The following TMX4 variants were observed in gnomAD, a reference collection of about 807,000 sequenced individuals.
The protein encoded by TMX4 is thioredoxin related transmembrane protein 4.
TMX4 carries 23 observed loss-of-function variants against 33.3 expected under a neutral mutation model. That is an observed-to-expected ratio of 0.69 (90% confidence interval 0.50 to 0.98). The LOEUF is 0.98. TMX4 is among the 50% of genes least tolerant of loss of function. TMX4 has a pLI of 0.00. For missense variants in TMX4, 399 were observed against 448.9 expected, an observed-to-expected ratio of 0.89 and a Z score of 1.01; for synonymous variants, 164 against 161.5, an observed-to-expected ratio of 1.02 and a Z score of -0.12.
chr20:8,006,778 G>A (rs1407109990), intron 2 of TMX4, among the ~76,000 whole-genome samples: 24 of 135,520 alleles, frequency 1.8e-4, no homozygotes, highest in Middle Eastern at 8.1e-3. Context: ...TTTTTTTTGA[G>A]ACAAAGTTAT....
chr20:7,993,960 T>C (rs1487028815), intron 5 of TMX4, among the ~76,000 whole-genome samples: 2 of 152,156 alleles, frequency 1.3e-5, no homozygotes, highest in African/African-American at 2.4e-5. Flanking sequence ...TCTTGCTATA[T>C]ACTTTTTATA....
chr20:7,990,630 C>G (rs765051256), intron 5 of TMX4, among the ~76,000 whole-genome samples: 2 of 152,154 alleles, frequency 1.3e-5, no homozygotes, highest in Non-Finnish European at 2.9e-5. Flanking sequence ...ACCCACTCAT[C>G]CAGCCCAGTG....
chr20:7,989,910 C>T (rs1381751535), intron 5 of TMX4, among the ~76,000 whole-genome samples: 1 of 152,144 alleles, frequency 6.6e-6, no homozygotes, highest in Admixed American at 6.6e-5. Flanking sequence ...GTGCTTACCA[C>T]AAGGAAATAT....
intron 2 of TMX4, among the ~76,000 whole-genome samples, chr20:8,006,998 C>A (rs2050733663): frequency 6.6e-6 from 1 of 152,152 alleles, no homozygotes; most frequent in Non-Finnish European, 1.5e-5. Flanking sequence ...AACTCCTGAC[C>A]TAAGTTGATC....
intron 6 of TMX4, 26 bp from the exon 7 acceptor site, chr20:7,983,883 G>A: frequency 6.3e-7 from 1 of 1,586,910 alleles, no homozygotes; most frequent in Non-Finnish European, 8.6e-7. Context: ...TGATTTTACA[G>A]TGAATAGATA....
In TMX4 at chr20:7,981,615, A is replaced by C. The variant is rs1213360168; in HGVS notation, c.*636T>G. ...CTGTTATTGGAGTCCTCTGACCAAG[A>C]GATAATAGTGAAGAGTGTGGAGAGC... On this transcript the variant is annotated 3_prime_UTR_variant, in exon 8 of 8. Coordinates refer to ENST00000246024, the MANE Select transcript of TMX4 (RefSeq NM_021156.4). 1 of 152,262 alleles carries C rather than the reference A, an allele frequency of 6.6e-6. No individual in the cohort carries two copies. The highest frequency in any genetic ancestry group is 2.4e-5 in the African/African-American group (1 of 41,430). 9.4% of individuals were successfully genotyped at this position (152,262 alleles called of 1,614,324 possible). A position where few individuals can be genotyped will look rare whatever the true frequency, so the allele number is the denominator to read the frequency against.
intron 1 of TMX4, among the ~76,000 whole-genome samples, chr20:8,015,424 T>C (rs531593031): frequency 1.2e-4 from 18 of 152,312 alleles, no homozygotes; most frequent in African/African-American, 3.1e-4. Context: ...ACCAAAGAAC[T>C]GTCCACCCAA....
At position 7,980,041 on chromosome 20, in the gene TMX4, T is replaced by TA. The variant is rs1238896204; in HGVS notation, c.*2209dup. 2 of 152,176 alleles carry TA rather than the reference T, an allele frequency of 1.3e-5. No individual in the cohort carries two copies. Among genetic ancestry groups the TA allele is most frequent in the Non-Finnish European group, 2.9e-5 (2 of 68,034 alleles). The allele number at this position is 152,176 out of a possible 1,614,324, so 9.4% of individuals were successfully genotyped here. A position where few individuals can be genotyped will look rare whatever the true frequency, so the allele number is the denominator to read the frequency against. On this transcript the variant is annotated 3_prime_UTR_variant, in exon 8 of 8. Transcript: ENST00000246024. ...GCCACCTGTCAAATGAGGTCAGGTGTAAAATTTTCCACTTCTGACGGAATG... is the reference window on the plus strand; with the variant it reads ...GCCACCTGTCAAATGAGGTCAGGTGTAAAAATTTTCCACTTCTGACGGAATG...
Position 8,019,454 on chromosome 20 carries a change from C to CA in TMX4, c.159_160insT (p.Glu54Ter). 6.6e-7 allele frequency: 1 copy of CA among 1,518,530 alleles called. No individual in the cohort carries two copies. Among genetic ancestry groups the CA allele is most frequent in the Non-Finnish European group, 8.8e-7 (1 of 1,132,408 alleles). The allele number at this position is 1,518,530 out of a possible 1,614,324, so 94.1% of individuals were successfully genotyped here. On this transcript the variant is annotated frameshift_variant, in exon 1 of 8. Coordinates refer to ENST00000246024, the MANE Select transcript of TMX4 (RefSeq NM_021156.4). LOFTEE classifies it high-confidence loss of function. The stretch of plus-strand genomic sequence containing the variant: ...CACACTCACAATTTCAGCATCCACT[C>CA]GCCCTCCATCACCAGCGTCCAGTTG...
intron 1 of TMX4, among the ~76,000 whole-genome samples, chr20:8,018,389 AGAGG>A (rs57847576): frequency 0.076 from 3,386 of 44,354 alleles, 821 homozygotes; most frequent in East Asian, 0.56. Context: ...AGAGAGAGAG[AGAGG>A]GAGGGAGGGA....
Position 8,019,378 on chromosome 20 carries a change from G to A in TMX4, c.176+60C>T, listed in dbSNP as rs1049740355. The A allele has an allele frequency of 1.0e-4, 156 of 1,488,816 alleles. 1 individual carries two copies. The highest frequency in any genetic ancestry group is 1.4e-4 in the Non-Finnish European group (152 of 1,117,362). The allele number at this position is 1,488,816 out of a possible 1,614,324, so 92.2% of individuals were successfully genotyped here. A position where few individuals can be genotyped will look rare whatever the true frequency, so the allele number is the denominator to read the frequency against. On this transcript the variant is annotated intron_variant, in intron 1 of 7. Transcript: ENST00000246024. ...GCGGGATCGCCACCGGGCCGCGCGG[G>A]CTTGGGAGGGTGACGCCCGCGAGGA... is the stretch of plus-strand genomic sequence containing the variant.
At chr20:7,983,994 C>G in intron 6 of TMX4, 137 bp from the exon 7 acceptor site, 1 of 600,068 alleles carries the variant, frequency 1.7e-6, no homozygotes, top group Non-Finnish European at 2.9e-6. Flanking sequence ...TCACAAGAGA[C>G]AAGGATATAA....
In TMX4 at chr20:7,979,231, T is replaced by C. The variant is rs763481459; in HGVS notation, c.*3020A>G. On this transcript the variant is annotated 3_prime_UTR_variant, in exon 8 of 8. Transcript: ENST00000246024. ...GGTTGGCTTTTCTCCTTTAGTTTTA[T>C]ATTCATTAAGTATTGAAAACAAACC... 5 of 152,204 alleles carry C rather than the reference T, an allele frequency of 3.3e-5. No individual in the cohort carries two copies. Among genetic ancestry groups the C allele is most frequent in the African/African-American group, 7.2e-5 (3 of 41,448 alleles). The allele number at this position is 152,204 out of a possible 1,614,324, so 9.4% of individuals were successfully genotyped here.
intron 4 of TMX4, among the ~76,000 whole-genome samples, chr20:7,998,427 C>T (rs2050686536): frequency 6.6e-6 from 1 of 152,146 alleles, no homozygotes; most frequent in African/African-American, 2.4e-5. Context: ...GCCTCTCCAT[C>T]CCCACATCCC....
At chr20:7,990,023 G>A (rs768804815) in intron 5 of TMX4, among the ~76,000 whole-genome samples, 2 of 152,100 alleles carry the variant, frequency 1.3e-5, no homozygotes, top group Non-Finnish European at 1.5e-5. Flanking sequence ...CGGGCTGGGC[G>A]CGGTGGCTCA....
At chr20:7,989,245 G>T (rs961696604) in intron 5 of TMX4, among the ~76,000 whole-genome samples, 2 of 151,578 alleles carry the variant, frequency 1.3e-5, no homozygotes, top group African/African-American at 4.8e-5. Context: ...ATTAGAAGAT[G>T]GTCAAAGTCA....
intron 1 of TMX4, 65 bp downstream of exon 1, chr20:8,019,373 C>T (rs1269265906): frequency 2.0e-6 from 3 of 1,473,864 alleles, no homozygotes; most frequent in East Asian, 2.9e-5. Flanking sequence ...CACCGGGCCG[C>T]GCGGGCTTGG....
intron 2 of TMX4, among the ~76,000 whole-genome samples, chr20:8,003,179 T>C (rs1402723837): frequency 6.6e-6 from 1 of 152,198 alleles, no homozygotes; most frequent in Non-Finnish European, 1.5e-5. Flanking sequence ...TTAAGATAAT[T>C]ATTATGAACA....
At chr20:8,015,970 GCTAT>G (rs1189412729) in intron 1 of TMX4, among the ~76,000 whole-genome samples, 2 of 152,112 alleles carry the variant, frequency 1.3e-5, no homozygotes, top group East Asian at 1.9e-4. Context: ...AAGCCACTTG[GCTAT>G]CTATTTCTTC....
Sources: gnomAD v4.1 joint callset for allele counts (sites outside exome capture counted in the v4.1 genomes callset) on GRCh38, gnomAD v4.1.1 for gene constraint, MANE v1.5 for transcripts, NCBI Gene and HGNC (gene_info 2026-07-23, HGNC 2026-07-21) for gene names.